Variants in CCDC73 observed in about 807,000 individuals in gnomAD.
CCDC73 encodes the protein coiled-coil domain-containing protein 73.
CCDC73 carries 95 observed loss-of-function variants against 116.5 expected under a neutral mutation model. The observed-to-expected ratio is 0.82, with a 90% confidence interval of 0.69 to 0.97. The LOEUF (loss-of-function observed/expected upper bound fraction) is 0.97. CCDC73 is among the 50% of genes least tolerant of loss of function. CCDC73 has a pLI of 0.00. For synonymous variants in CCDC73, 398 were observed against 401.3 expected (o/e 0.99, Z 0.10); for missense variants, 1,066 against 1,206.8 (o/e 0.88, Z 1.73).
At chr11:32,672,245 G>C (rs7130509) in intron 9 of CCDC73, among the ~76,000 whole-genome samples, 24,062 of 152,108 alleles carry the variant, frequency 0.16, 2,031 homozygotes, top group South Asian at 0.27. Context: ...GGGAGGCTGA[G>C]GCAGGAGAAT....
intron 17 of CCDC73, among the ~76,000 whole-genome samples, chr11:32,606,800 TA>T (rs1855356528): frequency 7.2e-6 from 1 of 138,700 alleles, no homozygotes; most frequent in Admixed American, 7.6e-5. Context: ...TCTATAAAAA[TA>T]AATTCTTTTT....
At chr11:32,781,868 TG>T (rs1279331071) in intron 1 of CCDC73, among the ~76,000 whole-genome samples, 1 of 152,080 alleles carries the variant, frequency 6.6e-6, no homozygotes, top group Non-Finnish European at 1.5e-5. Context: ...GGCCACAAAC[TG>T]ATACTGGTCC....
At chr11:32,801,277 A>G in the CCDC73 span, among the ~76,000 whole-genome samples, 2 of 152,196 alleles carry the variant, frequency 1.3e-5, no homozygotes, top group Non-Finnish European at 2.9e-5. Flanking sequence ...GCTGGCTTAT[A>G]TAAATCAAGA....
At chr11:32,727,444 C>T (rs1850037946) in intron 2 of CCDC73, among the ~76,000 whole-genome samples, 1 of 152,154 alleles carries the variant, frequency 6.6e-6, no homozygotes, top group Non-Finnish European at 1.5e-5. Context: ...TTGAACAAGA[C>T]ATAAAATCAC....
intron 1 of CCDC73, among the ~76,000 whole-genome samples, chr11:32,764,368 G>A (rs138149627): frequency 0.012 from 1,818 of 152,230 alleles, 36 homozygotes; most frequent in African/African-American, 0.041. Flanking sequence ...AGAGTAAAAC[G>A]TCGGGTTACC....
intron 1 of CCDC73, among the ~76,000 whole-genome samples, chr11:32,775,396 A>G (rs1363069346): frequency 3.3e-5 from 5 of 152,176 alleles, no homozygotes. Context: ...AGTAAGCACC[A>G]CACCTAATCA....
chr11:32,690,283 G>A (rs1856243181), intron 6 of CCDC73, among the ~76,000 whole-genome samples: 1 of 152,076 alleles, frequency 6.6e-6, no homozygotes, highest in Admixed American at 6.6e-5. Context: ...AATTTAGAAA[G>A]CTGTAGGACT....
intron 9 of CCDC73, among the ~76,000 whole-genome samples, chr11:32,655,372 T>G (rs190854669): frequency 6.6e-6 from 1 of 152,230 alleles, no homozygotes; most frequent in East Asian, 1.9e-4. Context: ...ATGTAATGAG[T>G]GCTATATTAG....
At chr11:32,789,295 A>G (rs1177288406) in intron 1 of CCDC73, among the ~76,000 whole-genome samples, 1 of 152,222 alleles carries the variant, frequency 6.6e-6, no homozygotes, top group African/African-American at 2.4e-5. Context: ...TTCCAAAGAG[A>G]TCAGTTATAA....
chr11:32,611,216 G>A lies in CCDC73; in HGVS notation c.2946C>T (p.Ile982=). Residue 982 remains isoleucine (I), a synonymous_variant, in exon 17 of 18, where the codon ATC becomes ATT. Coordinates refer to ENST00000335185, the MANE Select transcript of CCDC73 (RefSeq NM_001008391.4). ...RVADTLNNWS[I]HPDPKGEPSE... ...TGGGTTCTCCCTTGGGATCTGGATG[G>A]ATACTCCAGTTATTCAAAGTGTCAG... 1 of 1,612,780 alleles carries A rather than the reference G, an allele frequency of 6.2e-7. No homozygotes were observed. Among genetic ancestry groups the A allele is most frequent in the Non-Finnish European group, 8.5e-7 (1 of 1,178,852 alleles).
At chr11:32,782,186 ACT>A (rs765684293) in intron 1 of CCDC73, among the ~76,000 whole-genome samples, 2 of 152,020 alleles carry the variant, frequency 1.3e-5, no homozygotes, top group Non-Finnish European at 2.9e-5. Flanking sequence ...GCTCCCACTG[ACT>A]CTACATTATG....
chr11:32,621,148 T>G (rs1418469487), intron 14 of CCDC73, among the ~76,000 whole-genome samples: 9 of 152,260 alleles, frequency 5.9e-5, no homozygotes, highest in Admixed American at 1.3e-4. Flanking sequence ...CCACTGACTT[T>G]CTTCACAGAA....
chr11:32,667,417 G>A (rs1163809884), intron 9 of CCDC73, among the ~76,000 whole-genome samples: 1 of 152,244 alleles, frequency 6.6e-6, no homozygotes, highest in African/African-American at 2.4e-5. Context: ...TCAGACTGCT[G>A]TGCTAGCAGT....
chr11:32,752,480 A>G (rs1421103130), intron 2 of CCDC73, among the ~76,000 whole-genome samples: 1 of 152,244 alleles, frequency 6.6e-6, no homozygotes, highest in East Asian at 1.9e-4. Context: ...AACAGATAAA[A>G]CTGAATTTCT....
At chr11:32,701,226 G>T (rs971795159) in intron 4 of CCDC73, among the ~76,000 whole-genome samples, 8 of 151,968 alleles carry the variant, frequency 5.3e-5, no homozygotes, top group Non-Finnish European at 1.0e-4. Flanking sequence ...TTTTCCTCCA[G>T]AAATTTTTCT....
chr11:32,747,935 G>A (rs559166906), intron 2 of CCDC73, among the ~76,000 whole-genome samples: 84 of 152,196 alleles, frequency 5.5e-4, no homozygotes, highest in African/African-American at 1.9e-3. Context: ...GCTTCAGCTC[G>A]CCCTCCACGG....
At chr11:32,726,247 A>G (rs1472727390) in intron 2 of CCDC73, among the ~76,000 whole-genome samples, 2 of 152,256 alleles carry the variant, frequency 1.3e-5, no homozygotes, top group Non-Finnish European at 2.9e-5. Flanking sequence ...AAATGGATCT[A>G]CAAGAAGTCC....
At chr11:32,610,360 G>A (rs916020194) in intron 17 of CCDC73, among the ~76,000 whole-genome samples, 17 of 152,140 alleles carry the variant, frequency 1.1e-4, no homozygotes, top group African/African-American at 3.9e-4. Context: ...AACTCTCCCA[G>A]AAGAGTTATA....
the CCDC73 span, among the ~76,000 whole-genome samples, chr11:32,809,271 G>C: frequency 4.6e-5 from 7 of 152,190 alleles, no homozygotes; most frequent in African/African-American, 1.7e-4. Flanking sequence ...AAGCAGAAGA[G>C]AATTTATTGG....
Sources: gnomAD v4.1 joint callset for allele counts (sites outside exome capture counted in the v4.1 genomes callset) on GRCh38, gnomAD v4.1.1 for gene constraint, MANE v1.5 for transcripts, NCBI Gene and HGNC (gene_info 2026-07-23, HGNC 2026-07-21) for gene names.